Variants in PCDH11Y observed in about 807,000 individuals in gnomAD.
PCDH11Y encodes the protein protocadherin-11 Y-linked.
For missense variants in PCDH11Y, 12 were observed against 224.8 expected, an observed-to-expected ratio of 0.05 and a Z score of 6.05; for synonymous variants, 9 against 83.6, an observed-to-expected ratio of 0.11 and a Z score of 4.87.
At chrY:5,535,443 C>G (rs2053399109) in intron 3 of PCDH11Y, among the ~76,000 whole-genome samples, 24 of 32,169 alleles carry the variant, frequency 7.5e-4, no homozygotes, top group Admixed American at 6.9e-3. Context: ...TATGCCTTTT[C>G]ATCCTCATAG....
chrY:5,051,456 T>C (rs2124627084), upstream of PCDH11Y, among the ~76,000 whole-genome samples: 2 of 33,690 alleles, frequency 5.9e-5, no homozygotes, highest in East Asian at 1.6e-3. Flanking sequence ...ATTTTTGCCA[T>C]GAAGAATGTG....
At chrY:5,079,835 T>C (rs2052716915) in intron 1 of PCDH11Y, among the ~76,000 whole-genome samples, 1 of 33,882 alleles carries the variant, frequency 3.0e-5, no homozygotes, top group East Asian at 7.9e-4. Flanking sequence ...GCAGTCAGCT[T>C]GAATTTCTCC....
At chrY:5,056,397 A>AT (rs2052660596) in exon 1 of PCDH11Y, 5 of 229,505 alleles carry the variant, frequency 2.2e-5, no homozygotes, top group Non-Finnish European at 2.6e-5. Flanking sequence ...ATCCAGATCA[A>AT]TTTTTTTTCA....
At chrY:5,211,919 A>C in intron 2 of PCDH11Y, among the ~76,000 whole-genome samples, 1 of 33,769 alleles carries the variant, frequency 3.0e-5, no homozygotes. Context: ...GATTACAGGC[A>C]TGAGCCACCA....
intron 4 of PCDH11Y, among the ~76,000 whole-genome samples, chrY:5,606,334 C>G: frequency 1.2e-4 from 2 of 16,486 alleles, no homozygotes; most frequent in Admixed American, 1.4e-3. Context: ...CCGACCCCAC[C>G]ACAGTCCCCA....
chrY:5,286,683 C>T, intron 2 of PCDH11Y, among the ~76,000 whole-genome samples: 1 of 32,074 alleles, frequency 3.1e-5, no homozygotes, highest in Non-Finnish European at 7.6e-5. Flanking sequence ...CTTGATATGG[C>T]TCTTGGTTTG....
At chrY:5,031,160 G>A in intron 1 of PCDH11Y, 4 of 27,629 alleles carry the variant, frequency 1.4e-4, no homozygotes, top group African/African-American at 5.6e-4. Context: ...AGGCACAAGC[G>A]GCTACCATAT....
intron 2 of PCDH11Y, among the ~76,000 whole-genome samples, chrY:5,276,560 A>T: frequency 3.3e-5 from 1 of 30,026 alleles, no homozygotes; most frequent in Non-Finnish European, 8.0e-5. Flanking sequence ...TTTAGTCTCC[A>T]TCCAGTTCCA....
At chrY:5,255,341 A>G in intron 2 of PCDH11Y, among the ~76,000 whole-genome samples, 1 of 33,207 alleles carries the variant, frequency 3.0e-5, no homozygotes, top group Non-Finnish European at 7.4e-5. Context: ...ACTTAACCCA[A>G]TGATCTTCAT....
intron 4 of PCDH11Y, among the ~76,000 whole-genome samples, chrY:5,662,210 C>A: frequency 3.1e-5 from 1 of 32,514 alleles, no homozygotes; most frequent in Non-Finnish European, 7.5e-5. Flanking sequence ...AATTCTTTAG[C>A]CTTCAATTTT....
At chrY:5,343,954 A>G in intron 2 of PCDH11Y, among the ~76,000 whole-genome samples, 3 of 32,990 alleles carry the variant, frequency 9.1e-5, no homozygotes, top group Non-Finnish European at 2.2e-4. Context: ...GCAATATGCT[A>G]TTACAGAACC....
At chrY:5,276,304 G>A (rs2053044470) in intron 2 of PCDH11Y, among the ~76,000 whole-genome samples, 1 of 32,828 alleles carries the variant, frequency 3.0e-5, no homozygotes, top group African/African-American at 1.2e-4. Context: ...TAAAGTGTTA[G>A]TGAGAGCCTG....
intron 2 of PCDH11Y, among the ~76,000 whole-genome samples, chrY:5,163,554 A>T: frequency 3.1e-5 from 1 of 32,683 alleles, no homozygotes; most frequent in Non-Finnish European, 7.6e-5. Context: ...TGATTGGATT[A>T]TGGGAGTGGA....
chrY:5,151,136 A>G (rs2052864017), intron 2 of PCDH11Y, among the ~76,000 whole-genome samples: 2 of 33,879 alleles, frequency 5.9e-5, no homozygotes, highest in African/African-American at 2.3e-4. Flanking sequence ...CTTTCACTTT[A>G]TCAATGAGGA....
chrY:5,123,553 C>T (rs2052821568), intron 2 of PCDH11Y, among the ~76,000 whole-genome samples: 1 of 33,200 alleles, frequency 3.0e-5, no homozygotes, highest in East Asian at 8.0e-4. Context: ...TCAAATGCCA[C>T]TGTTCAGTGG....
intron 2 of PCDH11Y, among the ~76,000 whole-genome samples, chrY:5,452,968 G>T: frequency 1.2e-4 from 4 of 33,216 alleles, no homozygotes; most frequent in African/African-American, 3.5e-4. Flanking sequence ...CTGGTGGGCT[G>T]CTCAAAGCTA....
chrY:5,243,118 C>G (rs2124655712), intron 2 of PCDH11Y, among the ~76,000 whole-genome samples: 2 of 33,638 alleles, frequency 5.9e-5, no homozygotes, highest in East Asian at 7.8e-4. Context: ...CTCAGGACAG[C>G]TATCTGGAAA....
chrY:5,024,132 C>T (rs2052574878), intron 1 of PCDH11Y, among the ~76,000 whole-genome samples: 1 of 32,873 alleles, frequency 3.0e-5, no homozygotes, highest in Non-Finnish European at 7.5e-5. Flanking sequence ...TATATGATGT[C>T]GGACTACATG....
chrY:5,703,018 T>C, intron 4 of PCDH11Y, among the ~76,000 whole-genome samples: 1 of 32,798 alleles, frequency 3.0e-5, no homozygotes, highest in African/African-American at 1.2e-4. Context: ...TTATTTATGT[T>C]AATGGAATTA....
Sources: gnomAD v4.1 joint callset for allele counts (sites outside exome capture counted in the v4.1 genomes callset) on GRCh38, gnomAD v4.1.1 for gene constraint, MANE v1.5 for transcripts, NCBI Gene and HGNC (gene_info 2026-07-23, HGNC 2026-07-21) for gene names.